Variants in AP3S1 observed in about 807,000 individuals in gnomAD.
AP3S1 encodes AP-3 complex subunit sigma-1.
A neutral mutation model predicts 21.3 loss-of-function variants in AP3S1; 12 were observed. The observed-to-expected ratio is 0.56, with a 90% CI of 0.36 to 0.91. The LOEUF is 0.91. AP3S1 is among the 40% of genes least tolerant of loss of function. The probability of loss-of-function intolerance (pLI) is 0.01; values close to 1 mark genes in which losing one functional copy is unlikely to be tolerated. For missense variants in AP3S1, 116 were observed against 225.0 expected, an observed-to-expected ratio of 0.52 and a Z score of 3.10; for synonymous variants, 48 against 78.4, an observed-to-expected ratio of 0.61 and a Z score of 2.05.
In AP3S1 at chr5:115,895,082, C is replaced by G; in HGVS notation, c.274-5C>G. ...GTTCTTAAAACCTTTTTTCTTTTTC[C>G]ATAGGTATTTGTGGAAACATTAGAC... On this transcript the variant is annotated splice_polypyrimidine_tract_variant and splice_region_variant and intron_variant, in intron 3 of 5. Coordinates refer to ENST00000316788, the MANE Select transcript of AP3S1 (RefSeq NM_001284.4). 1 of 1,582,298 alleles carries G rather than the reference C, an allele frequency of 6.3e-7. No individual in the cohort carries two copies. The highest frequency in any genetic ancestry group is 1.2e-5 in the South Asian group (1 of 85,414).
At chr5:115,850,951 T>C (rs898764070) in intron 1 of AP3S1, among the ~76,000 whole-genome samples, 6 of 152,222 alleles carry the variant, frequency 3.9e-5, no homozygotes, top group Non-Finnish European at 7.3e-5. Context: ...GAATTCTCAC[T>C]AGTTTATAGA....
chr5:115,890,239 T>G (rs578059245), intron 3 of AP3S1, among the ~76,000 whole-genome samples: 1 of 152,174 alleles, frequency 6.6e-6, no homozygotes, highest in African/African-American at 2.4e-5. Flanking sequence ...AATGGCACCA[T>G]ACTGGAAACA....
intron 3 of AP3S1, among the ~76,000 whole-genome samples, chr5:115,875,052 G>A (rs1748580967): frequency 6.6e-6 from 1 of 152,054 alleles, no homozygotes. Flanking sequence ...CATTTCAGTG[G>A]TTTTTAGCTA....
intron 1 of AP3S1, among the ~76,000 whole-genome samples, chr5:115,857,734 A>T (rs1426517258): frequency 6.6e-6 from 1 of 152,200 alleles, no homozygotes; most frequent in Non-Finnish European, 1.5e-5. Flanking sequence ...TTATTCTGCT[A>T]TTAAAAATGA....
chr5:115,871,239 A>G (rs1748214687), intron 3 of AP3S1, among the ~76,000 whole-genome samples: 1 of 152,180 alleles, frequency 6.6e-6, no homozygotes, highest in Non-Finnish European at 1.5e-5. Context: ...TGCTCACAAT[A>G]CGTGTGGAAA....
chr5:115,873,124 G>T (rs905327818), intron 3 of AP3S1, among the ~76,000 whole-genome samples: 1 of 152,082 alleles, frequency 6.6e-6, no homozygotes, highest in African/African-American at 2.4e-5. Context: ...TTATGCTTGC[G>T]TCCTGAGATT....
chr5:115,889,217 C>A (rs1019145618), intron 3 of AP3S1, among the ~76,000 whole-genome samples: 6 of 152,044 alleles, frequency 3.9e-5, no homozygotes, highest in African/African-American at 1.4e-4. Flanking sequence ...ACTATTTAGA[C>A]AGCATTTTTA....
intron 1 of AP3S1, among the ~76,000 whole-genome samples, chr5:115,860,575 T>C (rs767830485): frequency 3.3e-5 from 5 of 152,238 alleles, no homozygotes; most frequent in Non-Finnish European, 5.9e-5. Context: ...TCCAGACATA[T>C]GTAAAAGCAC....
chr5:115,856,691 A>T (rs1272674494), intron 1 of AP3S1, among the ~76,000 whole-genome samples: 1 of 152,108 alleles, frequency 6.6e-6, no homozygotes, highest in East Asian at 1.9e-4. Flanking sequence ...CCAGGCTGGT[A>T]TGAAATTCCT....
At chr5:115,894,496 G>A (rs1022362984) in intron 3 of AP3S1, among the ~76,000 whole-genome samples, 17 of 152,192 alleles carry the variant, frequency 1.1e-4, no homozygotes, top group Non-Finnish European at 2.4e-4. Flanking sequence ...CCAAGGGCTA[G>A]TCCTGAAAAC....
chr5:115,891,996 G>A (rs150918132), intron 3 of AP3S1, among the ~76,000 whole-genome samples: 1 of 152,218 alleles, frequency 6.6e-6, no homozygotes, highest in African/African-American at 2.4e-5. Context: ...CCAAAAAATG[G>A]GCAAAAGATT....
At chr5:115,860,940 T>C (rs258729) in intron 1 of AP3S1, among the ~76,000 whole-genome samples, 21,417 of 152,170 alleles carry the variant, frequency 0.14, 1,949 homozygotes, top group Middle Eastern at 0.2. Context: ...TTGGATAATA[T>C]AAATGGTTGT....
intron 5 of AP3S1, among the ~76,000 whole-genome samples, chr5:115,910,265 TAA>T (rs397884038): frequency 0.14 from 17,218 of 124,904 alleles, 1,150 homozygotes; most frequent in Middle Eastern, 0.17. Flanking sequence ...CCCTGTCTCT[TAA>T]AAAAAAAAAA....
chr5:115,884,929 C>T (rs949573748), intron 3 of AP3S1, among the ~76,000 whole-genome samples: 1 of 152,162 alleles, frequency 6.6e-6, no homozygotes, highest in South Asian at 2.1e-4. Flanking sequence ...TACAGACATT[C>T]TATCACATAG....
intron 1 of AP3S1, among the ~76,000 whole-genome samples, chr5:115,861,332 A>G (rs1260824013): frequency 6.6e-6 from 1 of 152,140 alleles, no homozygotes; most frequent in Non-Finnish European, 1.5e-5. Context: ...CATAAAGGGG[A>G]GAAGAAAGAG....
At chr5:115,879,825 G>A (rs772958727) in intron 3 of AP3S1, among the ~76,000 whole-genome samples, 8 of 152,084 alleles carry the variant, frequency 5.3e-5, no homozygotes, top group African/African-American at 1.4e-4. Flanking sequence ...CTGTCAACCT[G>A]TCTGGTCCTG....
At chr5:115,855,532 G>C (rs971006196) in intron 1 of AP3S1, among the ~76,000 whole-genome samples, 2 of 152,006 alleles carry the variant, frequency 1.3e-5, no homozygotes, top group Non-Finnish European at 2.9e-5. Context: ...TAGAGATGGG[G>C]TTTCACCATG....
intron 3 of AP3S1, among the ~76,000 whole-genome samples, chr5:115,875,982 A>G (rs1748679432): frequency 1.3e-5 from 2 of 152,290 alleles, no homozygotes; most frequent in South Asian, 4.1e-4. Flanking sequence ...AAATTTGATG[A>G]TAACTGCTTT....
At chr5:115,910,392 G>A (rs988154340) in intron 5 of AP3S1, among the ~76,000 whole-genome samples, 1 of 152,046 alleles carries the variant, frequency 6.6e-6, no homozygotes, top group Non-Finnish European at 1.5e-5. Context: ...GTGAAATTGC[G>A]GGTAAGGGGG....
Sources: gnomAD v4.1 joint callset for allele counts (sites outside exome capture counted in the v4.1 genomes callset) on GRCh38, gnomAD v4.1.1 for gene constraint, MANE v1.5 for transcripts, NCBI Gene and HGNC (gene_info 2026-07-23, HGNC 2026-07-21) for gene names.